The following KAZN variants were observed in gnomAD, a reference collection of about 807,000 sequenced individuals.
The protein encoded by KAZN is kazrin.
In KAZN, 40 loss-of-function variants were observed where a neutral mutation model predicts 87.4. That is an observed-to-expected ratio of 0.46 (90% CI 0.36 to 0.60). KAZN has a LOEUF of 0.60. Ranked by LOEUF, KAZN falls within the 20% of genes least tolerant of loss-of-function variation. The probability of loss-of-function intolerance (pLI) is 0.00; values close to 1 mark genes in which losing one functional copy is unlikely to be tolerated. For missense variants in KAZN, 898 were observed against 1,073.9 expected, an observed-to-expected ratio of 0.84 and a Z score of 2.29; for synonymous variants, 466 against 458.3, an observed-to-expected ratio of 1.02 and a Z score of -0.22.
At chr1:14,654,404 C>T (rs1638656325) in intron 1 of KAZN, among the ~76,000 whole-genome samples, 1 of 152,122 alleles carries the variant, frequency 6.6e-6, no homozygotes, top group South Asian at 2.1e-4. Context: ...GACAGTCAGC[C>T]GCAGGTAGAG....
rs1242111984 is a variant in KAZN at position 15,060,213 on chromosome 1, A to G, written c.958A>G (p.Ile320Val). 1.9e-6 allele frequency: 3 copies of G among 1,614,218 alleles called. No individual in the cohort carries two copies. Among genetic ancestry groups the G allele is most frequent in the African/African-American group, 2.7e-5 (2 of 75,060 alleles). Residue 320 changes from isoleucine to valine, a missense_variant, in exon 6 of 15, where the codon ATC (isoleucine) becomes GTC (valine). Coordinates refer to ENST00000376030, the MANE Select transcript of KAZN (RefSeq NM_201628.3). Reference sequence around the variant, plus strand: ...CTGCCACTCCCGGCAGCCCTCTGTCATCTCCGACGCATCTGCCGCCGAAGG... The same window carrying G: ...CTGCCACTCCCGGCAGCCCTCTGTCGTCTCCGACGCATCTGCCGCCGAAGG... ...SPCHSRQPSVISDASAAEGDR... is the reference protein window; with the variant it reads ...SPCHSRQPSVVSDASAAEGDR...
chr1:14,930,024 G>A (rs941081211), intron 1 of KAZN: 23 of 985,420 alleles, frequency 2.3e-5, no homozygotes, highest in East Asian at 1.1e-4. Context: ...GAGGAAATTC[G>A]GAACCAGAAG....
At chr1:14,843,950 C>T (rs982804581) in intron 1 of KAZN, among the ~76,000 whole-genome samples, 11 of 152,198 alleles carry the variant, frequency 7.2e-5, no homozygotes, top group East Asian at 3.9e-4. Flanking sequence ...ATGCTTGGAA[C>T]GATTTCTTCC....
chr1:14,787,880 T>C (rs1215688224), intron 1 of KAZN, among the ~76,000 whole-genome samples: 1 of 152,080 alleles, frequency 6.6e-6, no homozygotes, highest in Non-Finnish European at 1.5e-5. Context: ...GGGGAACCAG[T>C]TCAGTAACAA....
At chr1:15,109,924 G>T (rs377475458) in intron 13 of KAZN, among the ~76,000 whole-genome samples, 50 of 18,196 alleles carry the variant, frequency 2.7e-3, no homozygotes, top group East Asian at 8.0e-3. Flanking sequence ...TTTGTGTATG[G>T]GTGTGTGTGT....
chr1:14,548,302 G>A (rs750152306), intron 2 of KAZN, among the ~76,000 whole-genome samples: 27 of 150,906 alleles, frequency 1.8e-4, no homozygotes, highest in Non-Finnish European at 2.2e-4. Context: ...GGGTTCAGGC[G>A]ATTCTCCTGC....
At chr1:15,028,094 G>A (rs771803597) in intron 2 of KAZN, among the ~76,000 whole-genome samples, 3 of 152,338 alleles carry the variant, frequency 2.0e-5, no homozygotes, top group South Asian at 4.1e-4. Context: ...GCTCAGAGAC[G>A]TGCCATCATC....
At chr1:14,227,605 C>T (rs1448973261) in intron 2 of KAZN, among the ~76,000 whole-genome samples, 1 of 152,086 alleles carries the variant, frequency 6.6e-6, no homozygotes, top group Non-Finnish European at 1.5e-5. Flanking sequence ...CCAAAGTCAC[C>T]AGTATCACTC....
intron 2 of KAZN, among the ~76,000 whole-genome samples, chr1:14,557,348 G>A (rs17403250): frequency 0.22 from 34,058 of 151,804 alleles, 3,889 homozygotes; most frequent in Non-Finnish European, 0.25. Flanking sequence ...TATCTAAATG[G>A]GTACCAGTTA....
intron 1 of KAZN, among the ~76,000 whole-genome samples, chr1:14,822,859 T>C (rs750916618): frequency 6.6e-6 from 1 of 152,126 alleles, no homozygotes; most frequent in Non-Finnish European, 1.5e-5. Context: ...AGAGGGCTGC[T>C]TTTCCCAGGC....
chr1:14,712,468 A>G (rs1210394751), intron 1 of KAZN, among the ~76,000 whole-genome samples: 1 of 152,190 alleles, frequency 6.6e-6, no homozygotes, highest in Non-Finnish European at 1.5e-5. Flanking sequence ...CATTCTCATC[A>G]CAGAAGTTTT....
chr1:14,060,160 G>A (rs1001914089), intron 1 of KAZN, among the ~76,000 whole-genome samples: 1 of 152,008 alleles, frequency 6.6e-6, no homozygotes, highest in Admixed American at 6.6e-5. Flanking sequence ...TCAGGAGATC[G>A]AGACCATCCT....
intron 1 of KAZN, among the ~76,000 whole-genome samples, chr1:14,757,273 C>G (rs1026647434): frequency 6.6e-6 from 1 of 152,216 alleles, no homozygotes; most frequent in Non-Finnish European, 1.5e-5. Flanking sequence ...TCAGCTCAGC[C>G]CATAGTTCTC....
At chr1:14,937,617 G>A (rs1660603570) in intron 1 of KAZN, among the ~76,000 whole-genome samples, 1 of 152,204 alleles carries the variant, frequency 6.6e-6, no homozygotes, top group Non-Finnish European at 1.5e-5. Flanking sequence ...CCACCCCAGT[G>A]TGCCTGCTCC....
intron 10 of KAZN, among the ~76,000 whole-genome samples, chr1:15,095,941 G>T (rs1487266707): frequency 1.3e-5 from 2 of 152,314 alleles, no homozygotes; most frequent in Non-Finnish European, 2.9e-5. Flanking sequence ...AGAGCAAGAA[G>T]GTGCCAGGCC....
intron 6 of KAZN, 194 bp from the exon 7 acceptor site, chr1:15,063,378 C>G (rs1638957022): frequency 4.9e-6 from 3 of 615,908 alleles, no homozygotes; most frequent in Non-Finnish European, 8.9e-6. Context: ...TCTAGGGAAA[C>G]TCCAGGCCCC....
chr1:14,281,952 C>A (rs1199649341), intron 2 of KAZN, among the ~76,000 whole-genome samples: 1 of 152,092 alleles, frequency 6.6e-6, no homozygotes, highest in African/African-American at 2.4e-5. Flanking sequence ...AGCTGATGAC[C>A]CCAGTTCCAA....
chr1:14,366,226 T>C (rs1185377354), intron 2 of KAZN, among the ~76,000 whole-genome samples: 1 of 152,214 alleles, frequency 6.6e-6, no homozygotes, highest in Admixed American at 6.5e-5. Flanking sequence ...CAGTTAAGTG[T>C]GGTTTATTTT....
intron 1 of KAZN, among the ~76,000 whole-genome samples, chr1:14,087,816 A>G (rs1204729085): frequency 6.6e-6 from 1 of 152,026 alleles, no homozygotes; most frequent in Non-Finnish European, 1.5e-5. Context: ...TGGTCATGGT[A>G]TATTTTTTAG....
Sources: gnomAD v4.1 joint callset for allele counts (sites outside exome capture counted in the v4.1 genomes callset) on GRCh38, gnomAD v4.1.1 for gene constraint, MANE v1.5 for transcripts, NCBI Gene and HGNC (gene_info 2026-07-23, HGNC 2026-07-21) for gene names.